ATXN1: variants seen among roughly 807,000 people sequenced by gnomAD.
The protein encoded by ATXN1 is ataxin 1.
ATXN1 carries 8 observed loss-of-function variants against 56.4 expected under a neutral mutation model. That is an observed-to-expected ratio of 0.14 (90% confidence interval 0.08 to 0.26). The LOEUF (loss-of-function observed/expected upper bound fraction) is 0.26, where lower values mean the gene tolerates loss of function less well. Ranked by LOEUF, ATXN1 falls within the 10% of genes least tolerant of loss-of-function variation. The pLI is 1.00. For missense variants in ATXN1, 987 were observed against 1,106.5 expected (o/e 0.89, Z 1.53); for synonymous variants, 514 against 494.6 (o/e 1.04, Z -0.52).
At chr6:16,721,109 G>C (rs540654176) in intron 2 of ATXN1, among the ~76,000 whole-genome samples, 1 of 152,168 alleles carries the variant, frequency 6.6e-6, no homozygotes, top group Non-Finnish European at 1.5e-5. Flanking sequence ...ATGCAAACCA[G>C]AAGATGGTTC....
intron 6 of ATXN1, among the ~76,000 whole-genome samples, chr6:16,428,846 T>C (rs1157003421): frequency 2.0e-5 from 3 of 151,882 alleles, no homozygotes; most frequent in African/African-American, 7.3e-5. Context: ...AAGCCCCAAG[T>C]GGGGAGAGGT....
chr6:16,599,546 A>G (rs1762877134), intron 3 of ATXN1, among the ~76,000 whole-genome samples: 1 of 151,998 alleles, frequency 6.6e-6, no homozygotes. Flanking sequence ...CCTTGTCTCT[A>G]CTAAAAATAC....
At chr6:16,381,939 T>C (rs997514547) in intron 6 of ATXN1, among the ~76,000 whole-genome samples, 1 of 152,244 alleles carries the variant, frequency 6.6e-6, no homozygotes, top group African/African-American at 2.4e-5. Context: ...TTTATAGATT[T>C]AGACATGGAG....
At chr6:16,501,401 C>T (rs1305867530) in intron 5 of ATXN1, among the ~76,000 whole-genome samples, 2 of 152,126 alleles carry the variant, frequency 1.3e-5, no homozygotes, top group African/African-American at 4.8e-5. Flanking sequence ...TGGTTTGCTG[C>T]ACCTATCAAC....
intron 1 of ATXN1, among the ~76,000 whole-genome samples, chr6:16,759,528 C>CGTT (rs1561842989): frequency 1.6e-5 from 1 of 64,472 alleles, no homozygotes. Flanking sequence ...CTTCTTCCGA[C>CGTT]TGTTTTTTTT....
chr6:16,437,310 G>C (rs115986810), intron 6 of ATXN1, among the ~76,000 whole-genome samples: 3,397 of 152,294 alleles, frequency 0.022, 55 homozygotes, highest in Non-Finnish European at 0.036. Context: ...GTGGGTGGGA[G>C]TGCGTATCAG....
rs189103454 is a variant in ATXN1, at chr6:16,372,098, A to G, written c.-160-43628T>C. On this transcript the variant is annotated intron_variant, in intron 6 of 7. Coordinates refer to ENST00000436367, the MANE Select transcript of ATXN1 (RefSeq NM_001128164.2). ...TGCTTTTTAGAAAATCAACAAATTA[A>G]GGCACTTTGCAAATCCAATCTATTT... 2.6e-5 allele frequency among the ~76,000 whole-genome samples: 4 copies of G among 152,374 alleles called. No individual in the cohort carries two copies. The East Asian group carries it at 7.7e-4, about 29-fold the overall frequency.
chr6:16,691,542 AC>A (rs1759047039), intron 2 of ATXN1, among the ~76,000 whole-genome samples: 1 of 152,244 alleles, frequency 6.6e-6, no homozygotes, highest in African/African-American at 2.4e-5. Context: ...TGTCAGTTTC[AC>A]CTGTTAAGTA....
intron 2 of ATXN1, among the ~76,000 whole-genome samples, chr6:16,702,059 G>T (rs1204714380): frequency 6.6e-6 from 1 of 151,932 alleles, no homozygotes; most frequent in Non-Finnish European, 1.5e-5. Flanking sequence ...AAAGCTGGAG[G>T]CATCACACTA....
chr6:16,683,299 C>T (rs1758852185), intron 2 of ATXN1, among the ~76,000 whole-genome samples: 4 of 152,200 alleles, frequency 2.6e-5, no homozygotes, highest in Admixed American at 2.6e-4. Context: ...TGGGCCAGCA[C>T]ACAGCTGCTT....
At chr6:16,471,534 T>TC (rs1760216747) in intron 6 of ATXN1, among the ~76,000 whole-genome samples, 1 of 152,110 alleles carries the variant, frequency 6.6e-6, no homozygotes, top group Non-Finnish European at 1.5e-5. Flanking sequence ...CAATGATAGC[T>TC]CACAGTCATG....
At chr6:16,572,332 T>C (rs60676338) in intron 4 of ATXN1, among the ~76,000 whole-genome samples, 1,732 of 152,310 alleles carry the variant, frequency 0.011, 40 homozygotes, top group African/African-American at 0.039. Flanking sequence ...TGTATAATGT[T>C]GACTGAGAAA....
intron 2 of ATXN1, among the ~76,000 whole-genome samples, chr6:16,667,815 T>C (rs1207298247): frequency 1.3e-5 from 2 of 152,232 alleles, no homozygotes; most frequent in Non-Finnish European, 2.9e-5. Flanking sequence ...CAGATGGCTT[T>C]CCTTCTGCTA....
intron 2 of ATXN1, among the ~76,000 whole-genome samples, chr6:16,711,484 A>G (rs1446391858): frequency 2.6e-5 from 4 of 152,090 alleles, no homozygotes; most frequent in Admixed American, 6.5e-5. Flanking sequence ...GAAAAAATTC[A>G]TATTTCTGAT....
chr6:16,542,388 C>T (rs1352529695), intron 4 of ATXN1, among the ~76,000 whole-genome samples: 3 of 152,208 alleles, frequency 2.0e-5, no homozygotes, highest in Admixed American at 6.5e-5. Flanking sequence ...GAAACGATCA[C>T]ATTAAGAGAC....
At chr6:16,322,290 A>G (rs1002980966) in intron 7 of ATXN1, among the ~76,000 whole-genome samples, 4 of 152,140 alleles carry the variant, frequency 2.6e-5, no homozygotes, top group African/African-American at 4.8e-5. Flanking sequence ...TGGTTTAGAG[A>G]GGAGAGTGCT....
chr6:16,606,867 T>TGTG lies in ATXN1; in HGVS notation c.-488-20961_-488-20960insCAC, dbSNP rs1554119511. On this transcript the variant is annotated intron_variant, in intron 3 of 7. Coordinates refer to ENST00000436367, the MANE Select transcript of ATXN1 (RefSeq NM_001128164.2). ...GGGGGAAAGTATACAGTTCCATGAGTTGTGTGTGTGTGTGTGTGTGTTGTT... is the reference window on the plus strand; with the variant it reads ...GGGGGAAAGTATACAGTTCCATGAGTGTGTGTGTGTGTGTGTGTGTGTGTTGTT... Among the ~76,000 whole-genome samples, 9 of 126,810 alleles carry TGTG rather than the reference T, an allele frequency of 7.1e-5. No homozygotes were observed. In the East Asian group the frequency reaches 2.1e-3, roughly 30 times the overall value. The allele number at this position is 126,810 out of a possible 152,430, so 83.2% of individuals were successfully genotyped here. A position where few individuals can be genotyped will look rare whatever the true frequency, so the allele number is the denominator to read the frequency against.
chr6:16,464,511 C>A (rs1229570944), intron 6 of ATXN1, among the ~76,000 whole-genome samples: 1 of 152,146 alleles, frequency 6.6e-6, no homozygotes, highest in Non-Finnish European at 1.5e-5. Context: ...CTACTGCTCA[C>A]TCTTTGGGTC....
chr6:16,469,573 G>C (rs552042528), intron 6 of ATXN1, among the ~76,000 whole-genome samples: 12 of 152,288 alleles, frequency 7.9e-5, no homozygotes, highest in African/African-American at 2.4e-4. Context: ...AACACTACTA[G>C]GCAGAAAGTC....
Sources: allele counts gnomAD v4.1 joint callset (sites outside exome capture counted in the v4.1 genomes callset), GRCh38; gene constraint gnomAD v4.1.1; transcripts MANE v1.5; gene names NCBI Gene and HGNC (gene_info 2026-07-23, HGNC 2026-07-21).